Variants in AGAP1 observed in about 807,000 individuals in gnomAD.
AGAP1 encodes the protein ArfGAP with GTPase domain, ankyrin repeat and PH domain 1, also known as arf-GAP with GTPase, ANK repeat and PH domain-containing protein 1.
Under a neutral mutation model 105.3 loss-of-function variants are expected in AGAP1, and 29 were observed. The observed-to-expected ratio is 0.28, with a 90% CI of 0.21 to 0.38. The LOEUF (loss-of-function observed/expected upper bound fraction) is 0.38, where lower values mean the gene tolerates loss of function less well. Among genes scored for constraint, AGAP1 ranks in the 10% least tolerant of loss-of-function variants. The pLI is 1.00. For synonymous variants in AGAP1, 509 were observed against 485.9 expected (o/e 1.05, Z -0.63); for missense variants, 998 against 1,165.1 (o/e 0.86, Z 2.09).
At position 235,930,599 on chromosome 2, in the gene AGAP1, C is replaced by T. The variant is rs569601334; in HGVS notation, c.1325-166C>T. On this transcript the variant is annotated intron_variant, in intron 11 of 17. Transcript: ENST00000304032. The surrounding 1 kb of genome is among the most constrained non-coding windows in gnomAD (Gnocchi z 7.9). ...ATTGGCGTCCCCCTTTTATTCCTCC[C>T]GAATAGTTTCTGTCTGGCGCTTCCG... 3.0e-4 allele frequency among the ~76,000 whole-genome samples: 46 copies of T among 151,426 alleles called. No homozygotes were observed. The highest frequency in any genetic ancestry group is 1.2e-3 in the Admixed American group (18 of 15,142).
chr2:236,070,467 C>A (rs2058466887), intron 16 of AGAP1, among the ~76,000 whole-genome samples: 2 of 152,194 alleles, frequency 1.3e-5, no homozygotes, highest in Admixed American at 6.5e-5. Context: ...GAAATGAAAC[C>A]TGCGTTCACA....
chr2:235,762,615 C>T (rs1404652429), intron 6 of AGAP1, among the ~76,000 whole-genome samples: 1 of 152,170 alleles, frequency 6.6e-6, no homozygotes, highest in African/African-American at 2.4e-5. Flanking sequence ...CACCTGTAAT[C>T]CCAGCACTTT....
At chr2:236,059,726 G>A (rs1056282231) in intron 16 of AGAP1, among the ~76,000 whole-genome samples, 1 of 152,198 alleles carries the variant, frequency 6.6e-6, no homozygotes, top group Non-Finnish European at 1.5e-5. Flanking sequence ...CAATGGGGAA[G>A]GAATAGTCTT....
rs903103594 is a variant in AGAP1, at chr2:235,747,251, T to C, written c.538+2412T>C. 6.6e-6 allele frequency among the ~76,000 whole-genome samples: 1 copy of C among 152,110 alleles called. No individual in the cohort carries two copies. Among genetic ancestry groups the C allele is most frequent in the East Asian group, 1.9e-4 (1 of 5,170 alleles). On this transcript the variant is annotated intron_variant, in intron 5 of 17. Transcript: ENST00000304032. The surrounding 1 kb of genome is among the most constrained non-coding windows in gnomAD (Gnocchi z 5.0). ...ACATCGAGCCTCCTGCCAGGGTGGC[T>C]GCTTAGATTCTCGAGAAACCCTGAT...
intron 1 of AGAP1, among the ~76,000 whole-genome samples, chr2:235,667,429 AAGC>A (rs1265918047): frequency 2.6e-5 from 4 of 152,148 alleles, no homozygotes; most frequent in Non-Finnish European, 4.4e-5. Context: ...GTTATCAACA[AAGC>A]AGAATGCTGA....
At position 235,603,232 on chromosome 2, in the gene AGAP1, T is replaced by C. The variant is rs138737525; in HGVS notation, c.164-105947T>C. 2.9e-4 allele frequency among the ~76,000 whole-genome samples: 44 copies of C among 151,394 alleles called. No individual in the cohort carries two copies. In the South Asian group the frequency reaches 4.8e-3, roughly 16 times the overall value. On this transcript the variant is annotated intron_variant, in intron 1 of 17. Coordinates refer to ENST00000304032, the MANE Select transcript of AGAP1 (RefSeq NM_001037131.3). ...GCTCGGCTCTCGTCTCTCTCTTGCC[T>C]GCCGCCATGTAAGATGTGCCTTTCA...
chr2:236,051,702 G>C lies in AGAP1; in HGVS notation c.2114+2421G>C, dbSNP rs142599356. ...GCTGGCACCTTAAAAGCGACCCTGG[G>C]GGCAGGGGAGAGGGGAAGGGTTTGT... On this transcript the variant is annotated intron_variant, in intron 16 of 17. Coordinates refer to ENST00000304032, the MANE Select transcript of AGAP1 (RefSeq NM_001037131.3). The surrounding 1 kb of genome is among the most constrained non-coding windows in gnomAD (Gnocchi z 5.9). Among the ~76,000 whole-genome samples, 167 of 152,298 alleles carry C rather than the reference G, an allele frequency of 1.1e-3. No homozygotes were observed. Among genetic ancestry groups the C allele is most frequent in the Non-Finnish European group, 1.8e-3 (121 of 68,022 alleles).
At chr2:236,063,296 G>A in intron 16 of AGAP1, among the ~76,000 whole-genome samples, 1 of 152,054 alleles carries the variant, frequency 6.6e-6, no homozygotes, top group East Asian at 1.9e-4. Flanking sequence ...CACCATGTTG[G>A]CCAAGCTGGT....
intron 13 of AGAP1, among the ~76,000 whole-genome samples, chr2:235,999,114 G>GGTGACAATGATA (rs1353271730): frequency 6.7e-6 from 1 of 149,476 alleles, no homozygotes; most frequent in East Asian, 2.0e-4. Context: ...TGGTGGTGGT[G>GGTGACAATGATA]GTGACAATGA....
chr2:236,025,899 C>T (rs2057034057), intron 13 of AGAP1, among the ~76,000 whole-genome samples: 2 of 27,464 alleles, frequency 7.3e-5, no homozygotes, highest in African/African-American at 1.6e-3. Context: ...GAGACTCCTT[C>T]TCGGGTGGGT....
chr2:235,905,613 C>T lies in AGAP1; in HGVS notation c.1156-3125C>T, dbSNP rs1419569521. On this transcript the variant is annotated intron_variant, in intron 10 of 17. Coordinates refer to ENST00000304032, the MANE Select transcript of AGAP1 (RefSeq NM_001037131.3). The surrounding 1 kb of genome is among the most constrained non-coding windows in gnomAD (Gnocchi z 4.2). Reference sequence around the variant, plus strand: ...CTCCCAGGTTCAAGCGATTCTCCTGCCTTAGCCTCCCAAGTAGCTGGGATT... The same window carrying T: ...CTCCCAGGTTCAAGCGATTCTCCTGTCTTAGCCTCCCAAGTAGCTGGGATT... Among the ~76,000 whole-genome samples the T allele has an allele frequency of 6.6e-6, 1 of 152,198 alleles. No individual in the cohort carries two copies. Among genetic ancestry groups the T allele is most frequent in the Non-Finnish European group, 1.5e-5 (1 of 68,040 alleles).
At chr2:235,539,462 A>T (rs1943360748) in intron 1 of AGAP1, among the ~76,000 whole-genome samples, 1 of 152,198 alleles carries the variant, frequency 6.6e-6, no homozygotes, top group Admixed American at 6.5e-5. Flanking sequence ...TGTCACCTCC[A>T]GTTCTTGCTC....
At chr2:236,075,149 C>T (rs529534208) in intron 16 of AGAP1, among the ~76,000 whole-genome samples, 3 of 152,118 alleles carry the variant, frequency 2.0e-5, no homozygotes, top group South Asian at 2.1e-4. Flanking sequence ...GAAGGAGAAG[C>T]GGTTGCGTCG....
chr2:235,686,665 A>ATATATATT (rs1369766503), intron 1 of AGAP1, among the ~76,000 whole-genome samples: 3 of 77,490 alleles, frequency 3.9e-5, no homozygotes, highest in Non-Finnish European at 6.6e-5. Context: ...ATATATATAT[A>ATATATATT]TTTTTTTTTT....
Position 236,130,652 on chromosome 2 carries a change from G to A in AGAP1, c.*6530G>A, listed in dbSNP as rs181211606. 256 of 152,462 alleles carry A rather than the reference G, an allele frequency of 1.7e-3. 1 individual carries two copies. Among genetic ancestry groups the A allele is most frequent in the Middle Eastern group, 3.4e-3 (1 of 294 alleles). The allele number at this position is 152,462 out of a possible 1,614,324, so 9.4% of individuals were successfully genotyped here. A position where few individuals can be genotyped will look rare whatever the true frequency, so the allele number is the denominator to read the frequency against. On this transcript the variant is annotated 3_prime_UTR_variant, in exon 18 of 18. Coordinates refer to ENST00000304032, the MANE Select transcript of AGAP1 (RefSeq NM_001037131.3). The surrounding 1 kb of genome is among the most constrained non-coding windows in gnomAD (Gnocchi z 5.8). ...GATGTCAGGGGCCTTTGGACTTGAG[G>A]AAGGACAGTCCAGGTGCATGGAATC...
At chr2:235,544,691 C>T (rs1016163997) in intron 1 of AGAP1, among the ~76,000 whole-genome samples, 4 of 152,150 alleles carry the variant, frequency 2.6e-5, no homozygotes, top group African/African-American at 7.2e-5. Flanking sequence ...TGTAGATGGC[C>T]CCCAAAACCA....
intron 8 of AGAP1, among the ~76,000 whole-genome samples, chr2:235,805,439 T>C (rs1957789602): frequency 2.0e-5 from 3 of 152,202 alleles, no homozygotes; most frequent in African/African-American, 7.2e-5. Flanking sequence ...AAAGTTTGTT[T>C]TGTTAATTAT....
chr2:235,653,424 A>G (rs1947670617), intron 1 of AGAP1, among the ~76,000 whole-genome samples: 1 of 152,168 alleles, frequency 6.6e-6, no homozygotes, highest in Non-Finnish European at 1.5e-5. Flanking sequence ...AGATAGCGCC[A>G]CTGCATTCCA....
intron 16 of AGAP1, among the ~76,000 whole-genome samples, chr2:236,098,501 C>T (rs1017354148): frequency 2.6e-5 from 4 of 151,924 alleles, no homozygotes; most frequent in African/African-American, 7.3e-5. Flanking sequence ...ACCCAGGAGG[C>T]AGAGGTCCCA....
Sources: allele counts gnomAD v4.1 joint callset (sites outside exome capture counted in the v4.1 genomes callset), GRCh38; gene constraint gnomAD v4.1.1; non-coding constraint Gnocchi (gnomAD v3.1); transcripts MANE v1.5; gene names NCBI Gene and HGNC (gene_info 2026-07-23, HGNC 2026-07-21).